IQCH: variants seen among roughly 807,000 people sequenced by gnomAD.
IQCH encodes the protein IQ motif containing H, also known as IQ domain-containing protein H.
IQCH carries 98 observed loss-of-function variants against 117.0 expected under a neutral mutation model. The observed-to-expected ratio is 0.84, with a 90% CI of 0.71 to 0.99. The LOEUF is 0.99. Ranked by LOEUF, IQCH falls within the 50% of genes least tolerant of loss-of-function variation. The pLI, the probability that IQCH is intolerant of heterozygous loss-of-function variation, is 0.00. For missense variants in IQCH, 1,102 were observed against 1,243.8 expected (o/e 0.89, Z 1.72); for synonymous variants, 412 against 448.2 (o/e 0.92, Z 1.02).
intron 5 of IQCH, among the ~76,000 whole-genome samples, chr15:67,341,350 A>G (rs1969165493): frequency 6.6e-6 from 1 of 152,242 alleles, no homozygotes; most frequent in Admixed American, 6.5e-5. Flanking sequence ...AGACAGATGG[A>G]CAAAAACTAA....
Position 67,376,772 on chromosome 15 carries a change from G to T in IQCH, c.1372+3339G>T, listed in dbSNP as rs868613467. 6.6e-6 allele frequency among the ~76,000 whole-genome samples: 1 copy of T among 152,082 alleles called. No homozygotes were observed. The highest frequency in any genetic ancestry group is 2.4e-5 in the African/African-American group (1 of 41,390). On this transcript the variant is annotated intron_variant, in intron 10 of 20. Transcript: ENST00000335894. The surrounding 1 kb of genome is among the most constrained non-coding windows in gnomAD (Gnocchi z 5.0). ...TTTATAAAGTATTTTAAAATCTGTGGCTTGGTAATATGAACAGTAAGACAA... is the reference window on the plus strand; with the variant it reads ...TTTATAAAGTATTTTAAAATCTGTGTCTTGGTAATATGAACAGTAAGACAA...
chr15:67,421,796 T>C (rs182002869), intron 16 of IQCH, among the ~76,000 whole-genome samples: 18 of 152,156 alleles, frequency 1.2e-4, no homozygotes, highest in African/African-American at 3.6e-4. Flanking sequence ...TCAGGTACAG[T>C]TGGAGTTAAA....
At chr15:67,455,648 G>C (rs561063717) in intron 16 of IQCH, among the ~76,000 whole-genome samples, 1 of 152,226 alleles carries the variant, frequency 6.6e-6, no homozygotes, top group East Asian at 1.9e-4. Context: ...CTGTTCATAG[G>C]AATCTTCCCC....
rs141376505 is a variant in IQCH at position 67,257,542 on chromosome 15, G to A, written c.51+2595G>A. Among the ~76,000 whole-genome samples, 5 of 152,304 alleles carry A rather than the reference G, an allele frequency of 3.3e-5. No individual in the cohort carries two copies. In the East Asian group the frequency reaches 9.6e-4, roughly 29 times the overall value. The stretch of plus-strand genomic sequence containing the variant: ...AAAGAAGTAAAGCATCTTGCCCATT[G>A]TAATACATCCAGTATGTATTGATCC... On this transcript the variant is annotated intron_variant, in intron 1 of 20. Coordinates refer to ENST00000335894, the MANE Select transcript of IQCH (RefSeq NM_001031715.3).
chr15:67,282,503 T>G (rs1299314839), intron 4 of IQCH, among the ~76,000 whole-genome samples: 1 of 152,198 alleles, frequency 6.6e-6, no homozygotes, highest in Non-Finnish European at 1.5e-5. Flanking sequence ...TTTCCTACCC[T>G]GACTTTGCCT....
intron 5 of IQCH, among the ~76,000 whole-genome samples, chr15:67,340,576 G>T (rs942708812): frequency 6.6e-6 from 1 of 151,616 alleles, no homozygotes; most frequent in Non-Finnish European, 1.5e-5. Context: ...AAAGAGAGCA[G>T]CACTGAAACT....
At chr15:67,279,172 T>C (rs1966247129) in intron 3 of IQCH, among the ~76,000 whole-genome samples, 1 of 152,338 alleles carries the variant, frequency 6.6e-6, no homozygotes, top group African/African-American at 2.4e-5. Context: ...TTTTTATTCA[T>C]GCTATAATGG....
At chr15:67,274,010 G>A (rs779328727) in intron 3 of IQCH, among the ~76,000 whole-genome samples, 4 of 152,120 alleles carry the variant, frequency 2.6e-5, no homozygotes, top group African/African-American at 4.8e-5. Context: ...GGCTTATATC[G>A]TTTCCATTGA....
At chr15:67,302,056 C>T (rs1368873763) in intron 4 of IQCH, among the ~76,000 whole-genome samples, 1 of 151,980 alleles carries the variant, frequency 6.6e-6, no homozygotes, top group Admixed American at 6.6e-5. Context: ...TGGCCATTTC[C>T]TCCCTACACC....
chr15:67,490,094 A>G lies in IQCH; in HGVS notation c.2861+30A>G, dbSNP rs747884708. On this transcript the variant is annotated intron_variant, in intron 19 of 20. Coordinates refer to ENST00000335894, the MANE Select transcript of IQCH (RefSeq NM_001031715.3). This position sits in a 1 kb window ranked among gnomAD's most constrained non-coding sequence, Gnocchi z 4.9. ...GTATGAAGTGTATCTGTGAGTTGCA[A>G]TAAGCTAAGGAAATAGACAATCACA... 1 of 1,316,528 alleles carries G rather than the reference A, an allele frequency of 7.6e-7. No homozygotes were observed. Among genetic ancestry groups the G allele is most frequent in the Admixed American group, 2.1e-5 (1 of 47,178 alleles). The allele number at this position is 1,316,528 out of a possible 1,614,324, so 81.6% of individuals were successfully genotyped here.
chr15:67,363,179 A>G (rs1201586856), intron 8 of IQCH, among the ~76,000 whole-genome samples: 1 of 150,412 alleles, frequency 6.6e-6, no homozygotes, highest in African/African-American at 2.4e-5. Context: ...CCAGACACGG[A>G]AAAAAAAACA....
chr15:67,386,311 A>T lies in IQCH; in HGVS notation c.1456+1292A>T, dbSNP rs1232080266. 1.3e-5 allele frequency among the ~76,000 whole-genome samples: 2 copies of T among 152,152 alleles called. No individual in the cohort carries two copies. The highest frequency in any genetic ancestry group is 4.8e-5 in the African/African-American group (2 of 41,442). ...TCATTATTGGAAAAGACTTGAAAGT[A>T]TTAGGCTTCTATTTTAAACAACTCA... is the stretch of plus-strand genomic sequence containing the variant. On this transcript the variant is annotated intron_variant, in intron 11 of 20. Coordinates refer to ENST00000335894, the MANE Select transcript of IQCH (RefSeq NM_001031715.3). The surrounding 1 kb of genome is among the most constrained non-coding windows in gnomAD (Gnocchi z 5.0).
At position 67,479,804 on chromosome 15, in the gene IQCH, A is replaced by T. The variant is rs566497007; in HGVS notation, c.2799+3986A>T. On this transcript the variant is annotated intron_variant, in intron 18 of 20. Transcript: ENST00000335894. This position sits in a 1 kb window ranked among gnomAD's most constrained non-coding sequence, Gnocchi z 4.6. ...AAAAGAAGAATCCTCAAAAGTCCTT[A>T]TTCTCAGCACTGTTTTCCCATTATG... Among the ~76,000 whole-genome samples, 17 of 152,356 alleles carry T rather than the reference A, an allele frequency of 1.1e-4. No individual in the cohort carries two copies. Among genetic ancestry groups the T allele is most frequent in the African/African-American group, 4.1e-4 (17 of 41,582 alleles).
At chr15:67,419,151 A>T (rs1336026512) in intron 15 of IQCH, among the ~76,000 whole-genome samples, 1 of 151,538 alleles carries the variant, frequency 6.6e-6, no homozygotes, top group African/African-American at 2.4e-5. Context: ...AGAGCAGTAC[A>T]AGCCTTGTTA....
intron 17 of IQCH, among the ~76,000 whole-genome samples, chr15:67,470,475 G>A (rs909766833): frequency 6.6e-6 from 1 of 152,178 alleles, no homozygotes; most frequent in African/African-American, 2.4e-5. Flanking sequence ...ACTGCGCCTG[G>A]CTGGAGTCTT....
rs1041528902 is a variant in IQCH, at chr15:67,454,851, T to A, written c.2506-10276T>A. ...TCCACTTTTTGACTGTTATGAATAATGTTGCAATGGACATTCATATAAAAG... is the reference window on the plus strand; with the variant it reads ...TCCACTTTTTGACTGTTATGAATAAAGTTGCAATGGACATTCATATAAAAG... On this transcript the variant is annotated intron_variant, in intron 16 of 20. Transcript: ENST00000335894. This position sits in a 1 kb window ranked among gnomAD's most constrained non-coding sequence, Gnocchi z 5.2. Among the ~76,000 whole-genome samples, 4 of 152,246 alleles carry A rather than the reference T, an allele frequency of 2.6e-5. No homozygotes were observed. The highest frequency in any genetic ancestry group is 5.9e-5 in the Non-Finnish European group (4 of 68,044).
chr15:67,421,100 A>T, intron 15 of IQCH, 191 bp from the exon 16 acceptor site: 2 of 598,856 alleles, frequency 3.3e-6, no homozygotes, highest in East Asian at 2.8e-5. Flanking sequence ...AGATAGATAC[A>T]GTATCTCCAA....
intron 4 of IQCH, among the ~76,000 whole-genome samples, chr15:67,285,998 T>C (rs1487010813): frequency 1.3e-5 from 2 of 152,214 alleles, no homozygotes; most frequent in Admixed American, 1.3e-4. Context: ...TTGATAGGGA[T>C]TGCATTGAAT....
rs1970442908 is a variant in IQCH at position 67,369,389 on chromosome 15, CCTT to C, written c.754-2718_754-2716del. On this transcript the variant is annotated intron_variant, in intron 8 of 20. Transcript: ENST00000335894. The surrounding 1 kb of genome is among the most constrained non-coding windows in gnomAD (Gnocchi z 5.2). ...GAGAATACAATGTTTTGACAGAAAT[CCTT>C]CTTGGCTAGAAGGAAAAAAAAATTG... 6.6e-6 allele frequency among the ~76,000 whole-genome samples: 1 copy of C among 151,712 alleles called. No homozygotes were observed. The highest frequency in any genetic ancestry group is 2.1e-4 in the South Asian group (1 of 4,814).
Sources: allele counts gnomAD v4.1 joint callset (sites outside exome capture counted in the v4.1 genomes callset), GRCh38; gene constraint gnomAD v4.1.1; non-coding constraint Gnocchi (gnomAD v3.1); transcripts MANE v1.5; gene names NCBI Gene and HGNC (gene_info 2026-07-23, HGNC 2026-07-21).